The following MARCHF1 variants were observed in gnomAD, a reference collection of about 807,000 sequenced individuals.
MARCHF1 encodes the protein E3 ubiquitin-protein ligase MARCHF1.
Under a neutral mutation model 54.2 loss-of-function variants are expected in MARCHF1, and 40 were observed. The observed-to-expected ratio is 0.74, with a 90% CI of 0.57 to 0.96. The LOEUF (loss-of-function observed/expected upper bound fraction) is 0.96, where lower values mean the gene tolerates loss of function less well. Among genes scored for constraint, MARCHF1 ranks in the 40% least tolerant of loss-of-function variants. The pLI is 0.00. For missense variants in MARCHF1, 586 were observed against 656.5 expected, an observed-to-expected ratio of 0.89 and a Z score of 1.17; for synonymous variants, 236 against 236.3, an observed-to-expected ratio of 1.00 and a Z score of 0.01.
intron 3 of MARCHF1, among the ~76,000 whole-genome samples, chr4:163,868,664 T>C (rs1371429450): frequency 6.6e-6 from 1 of 152,006 alleles, no homozygotes; most frequent in Non-Finnish European, 1.5e-5. Context: ...GATATGTGAA[T>C]AGTAACTTTT....
In MARCHF1 at chr4:164,325,388, T is replaced by C. The variant is rs961939476; in HGVS notation, c.-323+58482A>G. ...AGACATTTGTGAGAAAACTACATGA[T>C]AGTCCAATACAGCTTTTTAAAAGAT... is the stretch of plus-strand genomic sequence containing the variant. On this transcript the variant is annotated intron_variant, in intron 1 of 9. Transcript: ENST00000514618. Among the ~76,000 whole-genome samples the C allele has an allele frequency of 1.5e-4, 22 of 149,818 alleles. 1 individual carries two copies. Among genetic ancestry groups the C allele is most frequent in the African/African-American group, 4.7e-4 (19 of 40,786 alleles).
intron 1 of MARCHF1, among the ~76,000 whole-genome samples, chr4:164,114,193 A>C (rs1755893069): frequency 6.6e-6 from 1 of 152,008 alleles, no homozygotes; most frequent in Non-Finnish European, 1.5e-5. Context: ...TATATCAATA[A>C]ATGAAATGAT....
chr4:163,749,434 C>A (rs1467046484), intron 4 of MARCHF1, among the ~76,000 whole-genome samples: 2 of 151,658 alleles, frequency 1.3e-5, no homozygotes, highest in Admixed American at 1.3e-4. Flanking sequence ...TTTTGTACTG[C>A]CTTCTTGCCC....
chr4:163,547,510 G>A (rs904132163), intron 8 of MARCHF1, among the ~76,000 whole-genome samples: 10 of 152,282 alleles, frequency 6.6e-5, no homozygotes, highest in African/African-American at 2.2e-4. Flanking sequence ...GTGGGAGAGT[G>A]TTCATCTTGC....
At chr4:164,054,501 G>A (rs1224221376) in intron 2 of MARCHF1, among the ~76,000 whole-genome samples, 100 of 150,778 alleles carry the variant, frequency 6.6e-4, no homozygotes, top group South Asian at 1.7e-3. Flanking sequence ...CATTATTCAC[G>A]ATAGCAAAGA....
intron 5 of MARCHF1, among the ~76,000 whole-genome samples, chr4:163,664,313 G>T (rs149889703): frequency 6.6e-6 from 1 of 152,074 alleles, no homozygotes; most frequent in East Asian, 1.9e-4. Flanking sequence ...TTAATGAAAA[G>T]ATACTTTGAA....
intron 1 of MARCHF1, among the ~76,000 whole-genome samples, chr4:164,303,880 A>G (rs1031236444): frequency 5.9e-5 from 9 of 152,212 alleles, no homozygotes; most frequent in African/African-American, 2.2e-4. Flanking sequence ...CTATTAGGAA[A>G]GAGAAGTTAT....
chr4:164,065,550 G>T (rs905797881), intron 2 of MARCHF1, among the ~76,000 whole-genome samples: 1 of 152,138 alleles, frequency 6.6e-6, no homozygotes, highest in East Asian at 1.9e-4. Flanking sequence ...ATCAGTCAGG[G>T]TTCTCCAGAG....
At chr4:164,312,279 A>T (rs1734870710) in intron 1 of MARCHF1, among the ~76,000 whole-genome samples, 1 of 151,614 alleles carries the variant, frequency 6.6e-6, no homozygotes, top group African/African-American at 2.4e-5. Flanking sequence ...TATTTTAGAT[A>T]CTAAAAGCAA....
At position 163,991,989 on chromosome 4, in the gene MARCHF1, CT is replaced by C. The variant is rs201111517; in HGVS notation, c.-247-3281del. Among the ~76,000 whole-genome samples the C allele has an allele frequency of 7.9e-3, 1,081 of 136,566 alleles. 13 individuals carry two copies. The highest frequency in any genetic ancestry group is 0.028 in the African/African-American group (1,031 of 36,596). The allele number at this position is 136,566 out of a possible 152,430, so 89.6% of individuals were successfully genotyped here. On this transcript the variant is annotated intron_variant, in intron 2 of 9. Transcript: ENST00000514618. ...TTATTCTCAGTGGCCTAGGTTGTCTCTAGTTTAAAAGGTAAACAAAGAAAAA... is the reference window on the plus strand; with the variant it reads ...TTATTCTCAGTGGCCTAGGTTGTCTCAGTTTAAAAGGTAAACAAAGAAAAA...
At chr4:163,774,442 G>T (rs193232548) in intron 4 of MARCHF1, among the ~76,000 whole-genome samples, 79 of 150,002 alleles carry the variant, frequency 5.3e-4, no homozygotes, top group African/African-American at 1.9e-3. Context: ...AATAGGGAAA[G>T]ATAAAAGCTG....
intron 1 of MARCHF1, among the ~76,000 whole-genome samples, chr4:164,315,148 G>A (rs762576312): frequency 7.3e-5 from 11 of 150,052 alleles, no homozygotes; most frequent in Middle Eastern, 3.2e-3. Flanking sequence ...AAAACACTTC[G>A]GATCTCATTA....
At chr4:164,078,344 C>G (rs150847587) in intron 2 of MARCHF1, among the ~76,000 whole-genome samples, 1,855 of 152,072 alleles carry the variant, frequency 0.012, 36 homozygotes, top group African/African-American at 0.043. Context: ...CACATGGACA[C>G]AGGGAGGGGA....
intron 1 of MARCHF1, chr4:164,189,571 G>T: frequency 1.1e-6 from 1 of 928,474 alleles, no homozygotes; most frequent in Non-Finnish European, 1.8e-6. Flanking sequence ...TGGTGCTGCT[G>T]TCCAGGCTGG....
At chr4:163,831,145 G>A (rs1311730740) in intron 4 of MARCHF1, among the ~76,000 whole-genome samples, 1 of 152,142 alleles carries the variant, frequency 6.6e-6, no homozygotes, top group Non-Finnish European at 1.5e-5. Flanking sequence ...ACTGACTCCT[G>A]GTGTAGTTTC....
chr4:163,723,168 G>A (rs1172107466), intron 4 of MARCHF1, among the ~76,000 whole-genome samples: 1 of 152,188 alleles, frequency 6.6e-6, no homozygotes, highest in Non-Finnish European at 1.5e-5. Context: ...GGTACCAGTT[G>A]TTCTTTCCAT....
At chr4:164,377,769 T>G (rs1731238719) in intron 1 of MARCHF1, among the ~76,000 whole-genome samples, 1 of 152,208 alleles carries the variant, frequency 6.6e-6, no homozygotes, top group Admixed American at 6.5e-5. Flanking sequence ...TACCTCAAAA[T>G]TTAAAAAACA....
chr4:163,673,951 C>T (rs1054344408), intron 5 of MARCHF1, among the ~76,000 whole-genome samples: 5 of 152,142 alleles, frequency 3.3e-5, no homozygotes, highest in African/African-American at 7.2e-5. Flanking sequence ...ATGAATTCCA[C>T]GAGTTAACAG....
At chr4:164,313,739 CCTAA>C (rs1734927693) in intron 1 of MARCHF1, among the ~76,000 whole-genome samples, 1 of 152,180 alleles carries the variant, frequency 6.6e-6, no homozygotes, top group African/African-American at 2.4e-5. Flanking sequence ...CCCTAGATTT[CCTAA>C]CTCAGTGGAT....
Sources: allele counts gnomAD v4.1 joint callset (sites outside exome capture counted in the v4.1 genomes callset), GRCh38; gene constraint gnomAD v4.1.1; transcripts MANE v1.5; gene names NCBI Gene and HGNC (gene_info 2026-07-23, HGNC 2026-07-21).